Variants in UBE2V2 observed in about 807,000 individuals in gnomAD.
UBE2V2 encodes ubiquitin-conjugating enzyme E2 variant 2.
Under a neutral mutation model 17.2 loss-of-function variants are expected in UBE2V2, and 9 were observed. The ratio of observed to expected loss-of-function variants is 0.52; its 90% CI spans 0.32 to 0.91. UBE2V2 has a LOEUF of 0.91. Ranked by LOEUF, UBE2V2 falls within the 40% of genes least tolerant of loss-of-function variation. The probability of loss-of-function intolerance (pLI) is 0.04; values close to 1 mark genes in which losing one functional copy is unlikely to be tolerated. For missense variants in UBE2V2, 133 were observed against 182.6 expected, an observed-to-expected ratio of 0.73 and a Z score of 1.56; for synonymous variants, 61 against 57.5, an observed-to-expected ratio of 1.06 and a Z score of -0.28.
At position 48,008,661 on chromosome 8, in the gene UBE2V2, C is replaced by G. The variant is rs965960600; in HGVS notation, c.16+191C>G. Reference sequence around the variant, plus strand: ...GAGGCCCCGGCGGCCGTCGGGTTGGCGGGTCGTGCTCGCGCGTCGGCCGCG... The same window carrying G: ...GAGGCCCCGGCGGCCGTCGGGTTGGGGGGTCGTGCTCGCGCGTCGGCCGCG... On this transcript the variant is annotated intron_variant, in intron 1 of 3. Coordinates refer to ENST00000523111, the MANE Select transcript of UBE2V2 (RefSeq NM_003350.3). The G allele has an allele frequency of 3.6e-5, 27 of 740,228 alleles. No individual in the cohort carries two copies. In the African/African-American group the frequency reaches 4.5e-4, roughly 12 times the overall value. The allele number at this position is 740,228 out of a possible 1,614,324, so 45.9% of individuals were successfully genotyped here.
intron 1 of UBE2V2, among the ~76,000 whole-genome samples, chr8:48,034,069 C>A (rs1223136176): frequency 6.6e-6 from 1 of 151,976 alleles, no homozygotes; most frequent in African/African-American, 2.4e-5. Flanking sequence ...CTTTCCAGCT[C>A]CAACCTTGGT....
At chr8:47,998,167 G>A in the UBE2V2 span, among the ~76,000 whole-genome samples, 4 of 152,114 alleles carry the variant, frequency 2.6e-5, no homozygotes, top group East Asian at 7.7e-4. Flanking sequence ...TTTGTATTGA[G>A]GTCACGCGGT....
chr8:48,035,619 G>GTTTTTT (rs770027131), intron 1 of UBE2V2, among the ~76,000 whole-genome samples: 36 of 84,602 alleles, frequency 4.3e-4, no homozygotes, highest in Middle Eastern at 7.6e-3. Flanking sequence ...AAAAATTATT[G>GTTTTTT]TTTTTTTTTT....
intron 1 of UBE2V2, among the ~76,000 whole-genome samples, chr8:48,024,647 C>G (rs2091327802): frequency 6.6e-6 from 1 of 151,876 alleles, no homozygotes; most frequent in South Asian, 2.1e-4. Flanking sequence ...ACACTGTATC[C>G]TACGTATGCC....
chr8:48,041,773 C>T (rs2091465712), intron 1 of UBE2V2: 3 of 151,944 alleles, frequency 2.0e-5, no homozygotes, highest in Non-Finnish European at 4.4e-5. Flanking sequence ...AAAGCAGACA[C>T]ACTTTACTTG....
chr8:48,056,850 A>G (rs1320632743), intron 3 of UBE2V2, among the ~76,000 whole-genome samples: 1 of 151,992 alleles, frequency 6.6e-6, no homozygotes, highest in African/African-American at 2.4e-5. Flanking sequence ...CAGCCTCCCA[A>G]GTAGCTGGGA....
chr8:48,012,270 TC>T lies in UBE2V2; in HGVS notation c.16+3802del, dbSNP rs1378717844. ...GCCCTCACCAGCTAGGTTCTCCTTT[TC>T]CAAGAGACAGAGTTACCCATGCAAT... On this transcript the variant is annotated intron_variant, in intron 1 of 3. Coordinates refer to ENST00000523111, the MANE Select transcript of UBE2V2 (RefSeq NM_003350.3). Among the ~76,000 whole-genome samples, 3 of 152,176 alleles carry T rather than the reference TC, an allele frequency of 2.0e-5. No individual in the cohort carries two copies. In the East Asian group the frequency reaches 5.8e-4, roughly 29 times the overall value.
chr8:48,009,074 A>G (rs1484538353), intron 1 of UBE2V2, among the ~76,000 whole-genome samples: 1 of 152,196 alleles, frequency 6.6e-6, no homozygotes, highest in African/African-American at 2.4e-5. Context: ...AGCTAATTGA[A>G]GAACAAGTGG....
At chr8:48,030,697 A>G (rs1458362437) in intron 1 of UBE2V2, among the ~76,000 whole-genome samples, 1 of 151,986 alleles carries the variant, frequency 6.6e-6, no homozygotes, top group East Asian at 1.9e-4. Flanking sequence ...CCTGGGTGAC[A>G]GAGTGAGACC....
At chr8:48,024,839 A>C (rs2091329234) in intron 1 of UBE2V2, among the ~76,000 whole-genome samples, 1 of 152,184 alleles carries the variant, frequency 6.6e-6, no homozygotes, top group Admixed American at 6.6e-5. Context: ...AAGCGATTTC[A>C]GTGGCTAAAT....
chr8:48,050,110 T>G (rs143497869), intron 3 of UBE2V2, 132 bp downstream of exon 3: 1 of 626,566 alleles, frequency 1.6e-6, no homozygotes, highest in East Asian at 3.5e-5. Context: ...GGACCTTTGT[T>G]AAGCCAAAAG....
upstream of UBE2V2, among the ~76,000 whole-genome samples, chr8:48,005,249 A>G (rs1589844968): frequency 6.6e-6 from 1 of 151,700 alleles, no homozygotes; most frequent in African/African-American, 2.4e-5. Context: ...ACTCCCACTT[A>G]TAAGTGAGAA....
chr8:48,025,875 CAGGCGTG>C (rs1414674869), intron 1 of UBE2V2, among the ~76,000 whole-genome samples: 1 of 151,238 alleles, frequency 6.6e-6, no homozygotes, highest in African/African-American at 2.4e-5. Flanking sequence ...GCTGGGATTA[CAGGCGTG>C]AGCCACCGCA....
At chr8:48,021,561 C>T (rs560550264) in intron 1 of UBE2V2, among the ~76,000 whole-genome samples, 5 of 152,068 alleles carry the variant, frequency 3.3e-5, no homozygotes, top group Non-Finnish European at 7.4e-5. Context: ...CCGCCTTGGC[C>T]TCCCAAAGTG....
At chr8:48,039,164 T>C (rs934024727) in intron 1 of UBE2V2, among the ~76,000 whole-genome samples, 1 of 152,084 alleles carries the variant, frequency 6.6e-6, no homozygotes, top group Non-Finnish European at 1.5e-5. Flanking sequence ...CCTCGTAAAG[T>C]GTTGGGATTA....
At chr8:48,030,749 T>C (rs1314212142) in intron 1 of UBE2V2, among the ~76,000 whole-genome samples, 3 of 151,372 alleles carry the variant, frequency 2.0e-5, no homozygotes, top group Middle Eastern at 3.2e-3. Flanking sequence ...TGGCTAGGCA[T>C]GGTGGCTCAC....
chr8:48,006,471 C>G (rs542735980), upstream of UBE2V2, among the ~76,000 whole-genome samples: 235 of 152,156 alleles, frequency 1.5e-3, no homozygotes, highest in African/African-American at 5.4e-3. Flanking sequence ...AGCTTTGTTC[C>G]TTTTGCTTAC....
At chr8:48,016,149 G>A (rs954545725) in intron 1 of UBE2V2, among the ~76,000 whole-genome samples, 2 of 152,044 alleles carry the variant, frequency 1.3e-5, no homozygotes, top group Non-Finnish European at 2.9e-5. Flanking sequence ...CATCTGCCTC[G>A]GCCTCCCAAA....
Position 48,062,542 on chromosome 8 carries a change from AGCGCACCACT to A in UBE2V2, c.*1717_*1726del, listed in dbSNP as rs1802612507. 6.6e-6 allele frequency: 1 copy of A among 150,588 alleles called. No homozygotes were observed. Among genetic ancestry groups the A allele is most frequent in the South Asian group, 2.1e-4 (1 of 4,772 alleles). The allele number at this position is 150,588 out of a possible 1,614,324, so 9.3% of individuals were successfully genotyped here. The stretch of plus-strand genomic sequence containing the variant: ...GGCAGACAGAGGTTGCAGTGCCGAG[AGCGCACCACT>A]GCTCCAGCCTGGGCAACAGAGCAAG... On this transcript the variant is annotated 3_prime_UTR_variant, in exon 4 of 4. Transcript: ENST00000523111.
Sources: allele counts gnomAD v4.1 joint callset (sites outside exome capture counted in the v4.1 genomes callset), GRCh38; gene constraint gnomAD v4.1.1; transcripts MANE v1.5; gene names NCBI Gene and HGNC (gene_info 2026-07-23, HGNC 2026-07-21).